C1orf210: variants seen among roughly 807,000 people sequenced by gnomAD.
C1orf210 encodes type III endosome membrane protein TEMP.
C1orf210 carries 3 observed loss-of-function variants against 3.7 expected under a neutral mutation model. The ratio of observed to expected loss-of-function variants is 0.81; its 90% CI spans 0.37 to 2.08. C1orf210 has a LOEUF of 2.08. Ranked by LOEUF, C1orf210 falls within the 30% of genes most tolerant of loss-of-function variation. C1orf210 has a pLI of 0.06. For synonymous variants in C1orf210, 62 were observed against 61.7 expected, an observed-to-expected ratio of 1.00 and a Z score of -0.02; for missense variants, 143 against 147.7, an observed-to-expected ratio of 0.97 and a Z score of 0.17.
chr1:43,282,618 C>G lies in C1orf210; in HGVS notation c.*167G>C, dbSNP rs1191582811. ...TGAGAGTTATTGAGCAAGAGAGGGTCATTGTCACTTTGCTGGCTAGTGTCA... is the reference window on the plus strand; with the variant it reads ...TGAGAGTTATTGAGCAAGAGAGGGTGATTGTCACTTTGCTGGCTAGTGTCA... On this transcript the variant is annotated 3_prime_UTR_variant, in exon 3 of 3. Transcript: ENST00000523677. The G allele has an allele frequency of 1.3e-5, 8 of 632,658 alleles. No individual in the cohort carries two copies. Among genetic ancestry groups the G allele is most frequent in the Non-Finnish European group, 2.2e-5 (8 of 359,056 alleles). The allele number at this position is 632,658 out of a possible 1,614,324, so 39.2% of individuals were successfully genotyped here. A position where few individuals can be genotyped will look rare whatever the true frequency, so the allele number is the denominator to read the frequency against.
At position 43,282,865 on chromosome 1, in the gene C1orf210, C is replaced by T. The variant is rs938122830; in HGVS notation, c.262G>A (p.Gly88Ser). ...PQVAEDEDDD[G>S]FIEDNYIQPG... Reference sequence around the variant, plus strand: ...TGAATGTAATTGTCCTCGATGAAGCCATCATCATCCTCATCTTCAGCCACC... The same window carrying T: ...TGAATGTAATTGTCCTCGATGAAGCTATCATCATCCTCATCTTCAGCCACC... The change falls in exon 3 of 3, where the codon GGC becomes AGC. Residue 88 changes from glycine to serine, a missense_variant. Physicochemically the swap from Gly to Ser is moderately conservative, Grantham distance 56 (BLOSUM62 0). Coordinates refer to ENST00000523677, the MANE Select transcript of C1orf210 (RefSeq NM_182517.3). 6.2e-7 allele frequency: 1 copy of T among 1,614,028 alleles called. No individual in the cohort carries two copies. Among genetic ancestry groups the T allele is most frequent in the Non-Finnish European group, 8.5e-7 (1 of 1,180,008 alleles).
intron 1 of C1orf210, 81 bp downstream of exon 1, chr1:43,285,363 T>A (rs1646573339): frequency 6.6e-6 from 1 of 151,780 alleles, no homozygotes; most frequent in African/African-American, 2.4e-5. Context: ...GATCTGCCCA[T>A]CCCCCATACG....
rs759441307 is a variant in C1orf210 at position 43,282,929 on chromosome 1, G to C, written c.198C>G (p.His66Gln). ...LCRRYHASYR[H>Q]RPLPETGRGG... ...CCCTTCCTGTCTCAGGCAGTGGGCG[G>C]TGCCGGTAGCTGGCATGGTATCGGC... Residue 66 changes from histidine to glutamine, a missense_variant, in exon 3 of 3, where the codon CAC becomes CAG. Transcript: ENST00000523677. 2.5e-6 allele frequency: 4 copies of C among 1,614,052 alleles called. No individual in the cohort carries two copies. In the East Asian group the frequency reaches 8.9e-5, roughly 36 times the overall value.
At chr1:43,283,880 TG>T (rs1025458225) in intron 1 of C1orf210, among the ~76,000 whole-genome samples, 2 of 151,724 alleles carry the variant, frequency 1.3e-5, no homozygotes, top group African/African-American at 4.8e-5. Context: ...ATGGGGAGGG[TG>T]ATGCAAGTTG....
In C1orf210 at chr1:43,282,602, T is replaced by C. The variant is rs765297009; in HGVS notation, c.*183A>G. On this transcript the variant is annotated 3_prime_UTR_variant, in exon 3 of 3. Transcript: ENST00000523677. ...AACAGCAGGGAACAGTTGAGAGTTA[T>C]TGAGCAAGAGAGGGTCATTGTCACT... 4 of 609,574 alleles carry C rather than the reference T, an allele frequency of 6.6e-6. No homozygotes were observed. Among genetic ancestry groups the C allele is most frequent in the African/African-American group, 1.9e-5 (1 of 53,890 alleles). 37.8% of individuals were successfully genotyped at this position (609,574 alleles called of 1,614,324 possible).
chr1:43,283,221 C>T (rs750944824), intron 2 of C1orf210, 31 bp downstream of exon 2: 2 of 1,611,094 alleles, frequency 1.2e-6, no homozygotes, highest in East Asian at 4.5e-5. Flanking sequence ...GGGAAGCCCC[C>T]CACCCCCATC....
chr1:43,283,606 T>A (rs1176734654), intron 1 of C1orf210, among the ~76,000 whole-genome samples: 1 of 152,124 alleles, frequency 6.6e-6, no homozygotes, highest in Non-Finnish European at 1.5e-5. Context: ...TACTGAGCAT[T>A]CCTTATAATT....
At position 43,282,563 on chromosome 1, in the gene C1orf210, G is replaced by T; in HGVS notation, c.*222C>A. On this transcript the variant is annotated 3_prime_UTR_variant, in exon 3 of 3. Coordinates refer to ENST00000523677, the MANE Select transcript of C1orf210 (RefSeq NM_182517.3). ...TATGTCCACACTCAAGCCTTTGTTT[G>T]GCTTTATCCTGAGAACAGCAGGGAA... 1.9e-6 allele frequency: 1 copy of T among 528,820 alleles called. No individual in the cohort carries two copies. The highest frequency in any genetic ancestry group is 3.3e-6 in the Non-Finnish European group (1 of 301,302). 32.8% of individuals were successfully genotyped at this position (528,820 alleles called of 1,614,324 possible).
rs1415949397 is a variant in C1orf210 at position 43,282,956 on chromosome 1, G to C, written c.171C>G (p.Cys57Trp). Residue 57 changes from cysteine to tryptophan, a missense_variant, in exon 3 of 3, where the codon TGC (cysteine) becomes TGG (tryptophan). Transcript: ENST00000523677. ...GCCGGTAGCTGGCATGGTATCGGCG[G>C]CAGAGGTGGCATTTGGCAGCAAGTG... ...LIALAAKCHL[C>W]RRYHASYRHR... The C allele has an allele frequency of 6.2e-7, 1 of 1,614,184 alleles. No individual in the cohort carries two copies. The highest frequency in any genetic ancestry group is 1.7e-5 in the Admixed American group (1 of 60,030).
chr1:43,282,934 G>T lies in C1orf210; in HGVS notation c.193C>A (p.Arg65=), dbSNP rs370216826. Residue 65 remains arginine (R), a synonymous_variant, in exon 3 of 3, where the codon CGG becomes AGG. Coordinates refer to ENST00000523677, the MANE Select transcript of C1orf210 (RefSeq NM_182517.3). ...CCTGTCTCAGGCAGTGGGCGGTGCCGGTAGCTGGCATGGTATCGGCGGCAG... is the reference window on the plus strand; with the variant it reads ...CCTGTCTCAGGCAGTGGGCGGTGCCTGTAGCTGGCATGGTATCGGCGGCAG... ...HLCRRYHASY[R]HRPLPETGRG... 3.1e-6 allele frequency: 5 copies of T among 1,614,058 alleles called. No homozygotes were observed. Among genetic ancestry groups the T allele is most frequent in the Non-Finnish European group, 4.2e-6 (5 of 1,180,030 alleles).
chr1:43,284,870 G>C (rs1406936254), intron 1 of C1orf210, among the ~76,000 whole-genome samples: 1 of 152,158 alleles, frequency 6.6e-6, no homozygotes, highest in African/African-American at 2.4e-5. Context: ...GACCATACCT[G>C]CCTGTGAGGT....
chr1:43,282,468 T>G lies in C1orf210; in HGVS notation c.*317A>C. 1 of 295,608 alleles carries G rather than the reference T, an allele frequency of 3.4e-6. No individual in the cohort carries two copies. Among genetic ancestry groups the G allele is most frequent in the Non-Finnish European group, 6.3e-6 (1 of 159,756 alleles). The allele number at this position is 295,608 out of a possible 1,614,324, so 18.3% of individuals were successfully genotyped here. A position where few individuals can be genotyped will look rare whatever the true frequency, so the allele number is the denominator to read the frequency against. On this transcript the variant is annotated 3_prime_UTR_variant, in exon 3 of 3. Transcript: ENST00000523677. ...GTGGTGGGAGGGAGAATAACATTGATTTCGACAGTAAAGTAGGGGAAGGCA... is the reference window on the plus strand; with the variant it reads ...GTGGTGGGAGGGAGAATAACATTGAGTTCGACAGTAAAGTAGGGGAAGGCA...
chr1:43,283,337 C>G lies in C1orf210; in HGVS notation c.-67G>C. On this transcript the variant is annotated 5_prime_UTR_variant, in exon 2 of 3. Coordinates refer to ENST00000523677, the MANE Select transcript of C1orf210 (RefSeq NM_182517.3). Reference sequence around the variant, plus strand: ...AAAGAGCCCTGGCTCTGAGGAGGCCCCCAGATGCCAGGCAGCCCCAGGGCA... The same window carrying G: ...AAAGAGCCCTGGCTCTGAGGAGGCCGCCAGATGCCAGGCAGCCCCAGGGCA... 6.3e-7 allele frequency: 1 copy of G among 1,590,406 alleles called. No individual in the cohort carries two copies. Among genetic ancestry groups the G allele is most frequent in the South Asian group, 1.1e-5 (1 of 88,990 alleles).
At chr1:43,283,879 G>A (rs1321861785) in intron 1 of C1orf210, among the ~76,000 whole-genome samples, 1 of 152,156 alleles carries the variant, frequency 6.6e-6, no homozygotes, top group African/African-American at 2.4e-5. Context: ...TATGGGGAGG[G>A]TGATGCAAGT....
chr1:43,285,779 C>T (rs571419219), upstream of C1orf210, among the ~76,000 whole-genome samples: 10 of 152,168 alleles, frequency 6.6e-5, no homozygotes, highest in South Asian at 1.9e-3. Flanking sequence ...TAGACCTCAC[C>T]CTCACCCCCC....
intron 1 of C1orf210, among the ~76,000 whole-genome samples, chr1:43,284,292 G>T (rs1646565816): frequency 6.6e-6 from 1 of 152,144 alleles, no homozygotes; most frequent in African/African-American, 2.4e-5. Context: ...AACAGCTAGG[G>T]CAGGAGCATA....
Position 43,282,927 on chromosome 1 carries a change from C to T in C1orf210, c.200G>A (p.Arg67His), listed in dbSNP as rs897432979. 8.7e-6 allele frequency: 14 copies of T among 1,614,042 alleles called. No individual in the cohort carries two copies. Among genetic ancestry groups the T allele is most frequent in the Admixed American group, 1.7e-5 (1 of 60,004 alleles). The change falls in exon 3 of 3, where the codon CGC (arginine) becomes CAC (histidine). Residue 67 changes from arginine to histidine, a missense_variant. Transcript: ENST00000523677. The stretch of plus-strand genomic sequence containing the variant: ...TCCCCTTCCTGTCTCAGGCAGTGGG[C>T]GGTGCCGGTAGCTGGCATGGTATCG... ...CRRYHASYRH[R>H]PLPETGRGGR...
At chr1:43,284,978 C>T (rs1464824909) in intron 1 of C1orf210, among the ~76,000 whole-genome samples, 6 of 152,212 alleles carry the variant, frequency 3.9e-5, no homozygotes, top group African/African-American at 1.2e-4. Context: ...CCGTGGGCAA[C>T]GGCTGGCTGA....
In C1orf210 at chr1:43,283,064, G is replaced by A. The variant is rs142161528; in HGVS notation, c.63C>T (p.Ala21=). 137 of 1,614,072 alleles carry A rather than the reference G, an allele frequency of 8.5e-5. No homozygotes were observed. In the African/African-American group the frequency reaches 1.7e-3, roughly 20 times the overall value. The change falls in exon 3 of 3, where the codon GCC becomes GCT. Residue 21 remains alanine, a synonymous_variant. Coordinates refer to ENST00000523677, the MANE Select transcript of C1orf210 (RefSeq NM_182517.3). ...CCCGAGCCCCAGTGCCTGGGCCAGG[G>A]GCCACAGCAGACGCTGTGGGGAGCT... ...PSELPTASAV[A]PGPGTGARAW... is the part of the protein sequence containing the mutation.
Sources: allele counts gnomAD v4.1 joint callset (sites outside exome capture counted in the v4.1 genomes callset), GRCh38; gene constraint gnomAD v4.1.1; transcripts MANE v1.5; gene names NCBI Gene and HGNC (gene_info 2026-07-23, HGNC 2026-07-21).